The following IQCH variants were observed in gnomAD, a reference collection of about 807,000 sequenced individuals.
The protein encoded by IQCH is IQ motif containing H, also known as IQ domain-containing protein H.
Under a neutral mutation model 117.0 loss-of-function variants are expected in IQCH, and 98 were observed. That is an observed-to-expected ratio of 0.84 (90% CI 0.71 to 0.99). The LOEUF (loss-of-function observed/expected upper bound fraction) is 0.99. Ranked by LOEUF, IQCH falls within the 50% of genes least tolerant of loss-of-function variation. The pLI, the probability that IQCH is intolerant of heterozygous loss-of-function variation, is 0.00. For synonymous variants in IQCH, 412 were observed against 448.2 expected, an observed-to-expected ratio of 0.92 and a Z score of 1.02; for missense variants, 1,102 against 1,243.8, an observed-to-expected ratio of 0.89 and a Z score of 1.72.
intron 13 of IQCH, among the ~76,000 whole-genome samples, chr15:67,399,152 A>G (rs1971561825): frequency 6.6e-6 from 1 of 152,214 alleles, no homozygotes. Context: ...GGGAATGAGC[A>G]TAGGTTTTGG....
At chr15:67,340,452 A>AAAAAC (rs1969114632) in intron 5 of IQCH, among the ~76,000 whole-genome samples, 3 of 116,214 alleles carry the variant, frequency 2.6e-5, no homozygotes, top group Admixed American at 2.1e-4. Flanking sequence ...AAAAAAAAAA[A>AAAAAC]AAAAAAAAAA....
intron 5 of IQCH, among the ~76,000 whole-genome samples, chr15:67,341,318 AT>A (rs1172823313): frequency 1.3e-5 from 2 of 152,244 alleles, no homozygotes; most frequent in Non-Finnish European, 2.9e-5. Flanking sequence ...TGAACAAGAA[AT>A]TCCTAATTTG....
chr15:67,289,222 A>G (rs992849537), intron 4 of IQCH, among the ~76,000 whole-genome samples: 1 of 152,176 alleles, frequency 6.6e-6, no homozygotes, highest in Non-Finnish European at 1.5e-5. Context: ...ATTTTTAAAT[A>G]GTGAATTAGA....
rs910104322 is a variant in IQCH at position 67,376,475 on chromosome 15, G to C, written c.1372+3042G>C. Among the ~76,000 whole-genome samples, 1 of 152,208 alleles carries C rather than the reference G, an allele frequency of 6.6e-6. No individual in the cohort carries two copies. The highest frequency in any genetic ancestry group is 2.4e-5 in the African/African-American group (1 of 41,468). On this transcript the variant is annotated intron_variant, in intron 10 of 20. Coordinates refer to ENST00000335894, the MANE Select transcript of IQCH (RefSeq NM_001031715.3). The surrounding 1 kb of genome is among the most constrained non-coding windows in gnomAD (Gnocchi z 5.0). ...TGGTTCAGGTAGGCATTTAACACAA[G>C]TTGCAGCCTTGTCCTCTTTTTCTCT...
Position 67,475,579 on chromosome 15 carries a change from G to A in IQCH, c.2677-117G>A, listed in dbSNP as rs1567219226. On this transcript the variant is annotated intron_variant, in intron 17 of 20. Coordinates refer to ENST00000335894, the MANE Select transcript of IQCH (RefSeq NM_001031715.3). This position sits in a 1 kb window ranked among gnomAD's most constrained non-coding sequence, Gnocchi z 5.7. ...GATGTTAACAATAGGAGAACTGGGT[G>A]TGGGGGATATAGGAACTCTCAGAAT... 3.7e-6 allele frequency: 3 copies of A among 802,050 alleles called. No individual in the cohort carries two copies. The highest frequency in any genetic ancestry group is 4.6e-5 in the Admixed American group (2 of 43,468). The allele number at this position is 802,050 out of a possible 1,614,324, so 49.7% of individuals were successfully genotyped here. A position where few individuals can be genotyped will look rare whatever the true frequency, so the allele number is the denominator to read the frequency against.
At chr15:67,470,087 G>A (rs2083031933) in intron 17 of IQCH, among the ~76,000 whole-genome samples, 1 of 152,242 alleles carries the variant, frequency 6.6e-6, no homozygotes, top group Non-Finnish European at 1.5e-5. Context: ...CTTCTCGTCT[G>A]CTCTGAGCTC....
rs1970937386 is a variant in IQCH at position 67,381,770 on chromosome 15, CA to C, written c.1373-3165del. Among the ~76,000 whole-genome samples, 1 of 152,012 alleles carries C rather than the reference CA, an allele frequency of 6.6e-6. No individual in the cohort carries two copies. The highest frequency in any genetic ancestry group is 2.4e-5 in the African/African-American group (1 of 41,384). On this transcript the variant is annotated intron_variant, in intron 10 of 20. Coordinates refer to ENST00000335894, the MANE Select transcript of IQCH (RefSeq NM_001031715.3). This position sits in a 1 kb window ranked among gnomAD's most constrained non-coding sequence, Gnocchi z 5.1. ...CTGAGGTGGGTGGATCACTTTAGCC[CA>C]GGAATTTGAGATCAGCCTGGGCAAC...
At position 67,467,571 on chromosome 15, in the gene IQCH, C is replaced by T. The variant is rs1405624141; in HGVS notation, c.2676+2274C>T. Among the ~76,000 whole-genome samples the T allele has an allele frequency of 6.6e-6, 1 of 152,230 alleles. No homozygotes were observed. The highest frequency in any genetic ancestry group is 2.4e-5 in the African/African-American group (1 of 41,456). ...AAGGGCTTTTCATTTTAGAAAGATA[C>T]AGATGTTCCCACCCTTGTGCCACTA... On this transcript the variant is annotated intron_variant, in intron 17 of 20. Coordinates refer to ENST00000335894, the MANE Select transcript of IQCH (RefSeq NM_001031715.3). This position sits in a 1 kb window ranked among gnomAD's most constrained non-coding sequence, Gnocchi z 5.7.
In IQCH at chr15:67,401,193, G is replaced by A. The variant is rs898756004; in HGVS notation, c.2097+888G>A. 6.6e-6 allele frequency among the ~76,000 whole-genome samples: 1 copy of A among 152,208 alleles called. No homozygotes were observed. The highest frequency in any genetic ancestry group is 1.5e-5 in the Non-Finnish European group (1 of 68,038). On this transcript the variant is annotated intron_variant, in intron 14 of 20. Coordinates refer to ENST00000335894, the MANE Select transcript of IQCH (RefSeq NM_001031715.3). The surrounding 1 kb of genome is among the most constrained non-coding windows in gnomAD (Gnocchi z 4.7). ...AAGAAGTCTTAGCATGAATGGACGTGTATAGATTTTTTCCATGCACATTTG... is the reference window on the plus strand; with the variant it reads ...AAGAAGTCTTAGCATGAATGGACGTATATAGATTTTTTCCATGCACATTTG...
chr15:67,273,129 G>A (rs977220477), intron 3 of IQCH, among the ~76,000 whole-genome samples: 2 of 152,122 alleles, frequency 1.3e-5, no homozygotes, highest in African/African-American at 2.4e-5. Context: ...GGAGTGCAGT[G>A]TTGCAATCTC....
intron 15 of IQCH, among the ~76,000 whole-genome samples, chr15:67,419,427 C>T (rs2081666079): frequency 6.6e-6 from 1 of 152,244 alleles, no homozygotes; most frequent in South Asian, 2.1e-4. Context: ...CATCTCCCTC[C>T]CTCCAGCTTC....
intron 18 of IQCH, among the ~76,000 whole-genome samples, chr15:67,480,128 C>G (rs2083306149): frequency 1.3e-5 from 2 of 152,174 alleles, no homozygotes; most frequent in African/African-American, 2.4e-5. Flanking sequence ...TGCCACCATC[C>G]TAAATAGCTC....
At chr15:67,396,072 T>C (rs1971460405) in intron 13 of IQCH, among the ~76,000 whole-genome samples, 1 of 152,244 alleles carries the variant, frequency 6.6e-6, no homozygotes, top group Non-Finnish European at 1.5e-5. Context: ...GAATAAGCAC[T>C]GTTAAAATGT....
At chr15:67,287,958 G>A (rs1229030297) in intron 4 of IQCH, among the ~76,000 whole-genome samples, 1 of 151,788 alleles carries the variant, frequency 6.6e-6, no homozygotes, top group African/African-American at 2.4e-5. Flanking sequence ...ATTATCTTTT[G>A]TTTCAAGAAA....
Position 67,263,106 on chromosome 15 carries a change from G to T in IQCH, c.175-16G>T. 1.5e-6 allele frequency: 2 copies of T among 1,325,940 alleles called. No individual in the cohort carries two copies. Among genetic ancestry groups the T allele is most frequent in the South Asian group, 2.4e-5 (2 of 84,072 alleles). 82.1% of individuals were successfully genotyped at this position (1,325,940 alleles called of 1,614,324 possible). On this transcript the variant is annotated splice_polypyrimidine_tract_variant and intron_variant, in intron 2 of 20. Coordinates refer to ENST00000335894, the MANE Select transcript of IQCH (RefSeq NM_001031715.3). ...AGTCCACAATAATTGCCTAAACTTT[G>T]ACATTTCTGTAACAGATTCACATTG... is the stretch of plus-strand genomic sequence containing the variant.
intron 12 of IQCH, among the ~76,000 whole-genome samples, chr15:67,389,656 C>T (rs6416479): frequency 0.98 from 148,795 of 152,278 alleles, 72,796 homozygotes; most frequent in Middle Eastern, 1. Flanking sequence ...GAATTTAAAC[C>T]TTCCATGTTA....
At chr15:67,488,734 A>G (rs1351324330) in intron 18 of IQCH, among the ~76,000 whole-genome samples, 1 of 152,218 alleles carries the variant, frequency 6.6e-6, no homozygotes, top group Non-Finnish European at 1.5e-5. Flanking sequence ...TTAGATTCTC[A>G]TAAGGAGCAT....
chr15:67,267,630 T>C (rs1965730716), intron 3 of IQCH, among the ~76,000 whole-genome samples: 2 of 152,206 alleles, frequency 1.3e-5, no homozygotes, highest in Admixed American at 6.5e-5. Flanking sequence ...GTGAGGCTGA[T>C]TGAGTATCAG....
chr15:67,498,897 G>A (rs1052787836), intron 20 of IQCH, among the ~76,000 whole-genome samples: 14 of 152,206 alleles, frequency 9.2e-5, no homozygotes, highest in African/African-American at 3.4e-4. Context: ...GTAAGGCATA[G>A]TATTCACAAT....
Sources: allele counts gnomAD v4.1 joint callset (sites outside exome capture counted in the v4.1 genomes callset), GRCh38; gene constraint gnomAD v4.1.1; non-coding constraint Gnocchi (gnomAD v3.1); transcripts MANE v1.5; gene names NCBI Gene and HGNC (gene_info 2026-07-23, HGNC 2026-07-21).